Variants in RICTOR observed in about 807,000 individuals in gnomAD.
The protein encoded by RICTOR is rapamycin-insensitive companion of mTOR.
In RICTOR, 49 loss-of-function variants were observed where a neutral mutation model predicts 214.9. The observed-to-expected ratio is 0.23, with a 90% CI of 0.18 to 0.29. The LOEUF (loss-of-function observed/expected upper bound fraction) is 0.29, where lower values mean the gene tolerates loss of function less well. RICTOR is among the 10% of genes least tolerant of loss of function. The pLI is 1.00. For missense variants in RICTOR, 1,625 were observed against 2,047.0 expected, an observed-to-expected ratio of 0.79 and a Z score of 3.98; for synonymous variants, 717 against 711.3, an observed-to-expected ratio of 1.01 and a Z score of -0.13.
rs2112851650 is a variant in RICTOR, at chr5:38,950,127, C to T, written c.3721G>A (p.Val1241Ile). The T allele has an allele frequency of 3.7e-6, 6 of 1,613,430 alleles. No homozygotes were observed. Among genetic ancestry groups the T allele is most frequent in the Non-Finnish European group, 5.1e-6 (6 of 1,179,622 alleles). The stretch of plus-strand genomic sequence containing the variant: ...TCCATAGTTGTAGCATCTACACCTA[C>T]TGTCTCTCGTGAAGGACTTGAGCTC... ...SMSSSPSRET[V>I]GVDATTMDTD... The change falls in exon 31 of 38, where the codon GTA becomes ATA. Residue 1241 changes from valine to isoleucine, a missense_variant. Val to Ile is a conservative substitution (Grantham distance 29). Around this residue, in one of 5 missense-constraint regions of RICTOR, gnomAD observed 1,214 missense variants for 1,470.5 expected, o/e 0.83. Coordinates refer to ENST00000357387, the MANE Select transcript of RICTOR (RefSeq NM_152756.5).
At chr5:39,002,414 A>C in intron 5 of RICTOR, 121 bp downstream of exon 5, 1 of 348,164 alleles carries the variant, frequency 2.9e-6, no homozygotes, top group South Asian at 3.8e-5. Context: ...ATATATATAT[A>C]TACACACACA....
At chr5:38,979,554 C>A (rs907092278) in intron 8 of RICTOR, among the ~76,000 whole-genome samples, 5 of 152,064 alleles carry the variant, frequency 3.3e-5, no homozygotes, top group African/African-American at 9.7e-5. Context: ...AACAACAAAT[C>A]ATATTTATTA....
chr5:39,073,882 C>A (rs978924353), intron 2 of RICTOR, among the ~76,000 whole-genome samples: 2 of 152,200 alleles, frequency 1.3e-5, no homozygotes, highest in Admixed American at 1.3e-4. Flanking sequence ...CGCAGCAGCC[C>A]GAGGCCCGGA....
At chr5:38,960,624 G>T in intron 19 of RICTOR, 91 bp from the exon 20 acceptor site, 1 of 1,337,478 alleles carries the variant, frequency 7.5e-7, no homozygotes, top group Non-Finnish European at 1.1e-6. Flanking sequence ...AAGGCTTTCA[G>T]AATATGTTTT....
chr5:38,962,838 T>A (rs377656600), intron 17 of RICTOR, 38 bp downstream of exon 17: 4 of 1,537,888 alleles, frequency 2.6e-6, no homozygotes, highest in Non-Finnish European at 3.6e-6. Flanking sequence ...AATTAAGATG[T>A]TGTGTTTAAG....
At chr5:38,945,851 A>G in intron 33 of RICTOR, 127 bp from the exon 34 acceptor site, 2 of 538,848 alleles carry the variant, frequency 3.7e-6, no homozygotes, top group South Asian at 3.0e-5. Flanking sequence ...GGAAAGAAAA[A>G]AAGAATAATT....
chr5:38,947,502 A>C, intron 31 of RICTOR, 61 bp from the exon 32 acceptor site: 1 of 1,199,050 alleles, frequency 8.3e-7, no homozygotes, highest in Non-Finnish European at 1.2e-6. Flanking sequence ...TAATCATATG[A>C]AGAAATAACA....
intron 2 of RICTOR, among the ~76,000 whole-genome samples, chr5:39,050,938 CAA>C (rs576721442): frequency 1.3e-5 from 2 of 151,878 alleles, no homozygotes; most frequent in Non-Finnish European, 2.9e-5. Context: ...CTGATAATCC[CAA>C]GTGTTGACAA....
intron 37 of RICTOR, 123 bp downstream of exon 37, chr5:38,942,710 C>A: frequency 5.3e-6 from 4 of 755,158 alleles, no homozygotes; most frequent in African/African-American, 1.7e-5. Flanking sequence ...CCCGCGCTGA[C>A]CCCACAAAGT....
At chr5:38,978,681 C>A in intron 8 of RICTOR, 31 bp from the exon 9 acceptor site, 1 of 1,132,226 alleles carries the variant, frequency 8.8e-7, no homozygotes, top group Non-Finnish European at 1.3e-6. Context: ...AGAAAAGAGT[C>A]TTTATTTTAA....
At chr5:39,044,010 G>C (rs552159207) in intron 2 of RICTOR, among the ~76,000 whole-genome samples, 1 of 152,058 alleles carries the variant, frequency 6.6e-6, no homozygotes, top group Non-Finnish European at 1.5e-5. Flanking sequence ...TTTTATAAGC[G>C]ACAGAAAACT....
At chr5:38,956,449 C>T (rs940301059) in intron 25 of RICTOR, among the ~76,000 whole-genome samples, 1 of 152,072 alleles carries the variant, frequency 6.6e-6, no homozygotes, top group Admixed American at 6.6e-5. Flanking sequence ...ACCTTAGTTC[C>T]AACTACATTG....
chr5:38,958,748 C>G lies in RICTOR; in HGVS notation c.2262G>C (p.Leu754Phe). Reference protein sequence around the residue: ...VEFFNNWGIELLVTQLHDKNK... With the variant: ...VEFFNNWGIEFLVTQLHDKNK... Reference sequence around the variant, plus strand: ...TTTTATCATGTAGCTGGGTCACTAACAACTCAATTCCCCAATTATTAAAGA... The same window carrying G: ...TTTTATCATGTAGCTGGGTCACTAAGAACTCAATTCCCCAATTATTAAAGA... The change falls in exon 23 of 38, where the codon TTG becomes TTC. Residue 754 changes from leucine (L) to phenylalanine (F), a missense_variant. Coordinates refer to ENST00000357387, the MANE Select transcript of RICTOR (RefSeq NM_152756.5). 1 of 1,610,746 alleles carries G rather than the reference C, an allele frequency of 6.2e-7. No individual in the cohort carries two copies. The highest frequency in any genetic ancestry group is 8.5e-7 in the Non-Finnish European group (1 of 1,177,956).
rs749822131 is a variant in RICTOR, at chr5:38,955,550, T to A, written c.2609+45A>T. 3.0e-6 allele frequency: 3 copies of A among 1,012,462 alleles called. No homozygotes were observed. The African/African-American group carries it at 4.8e-5, about 16-fold the overall frequency. 62.7% of individuals were successfully genotyped at this position (1,012,462 alleles called of 1,614,324 possible). On this transcript the variant is annotated intron_variant, in intron 26 of 37. Transcript: ENST00000357387. ...TACAAAAACTCAGAAATGTTAAAAA[T>A]AATTTATGATGAACTAGTTTTAAAT...
intron 9 of RICTOR, among the ~76,000 whole-genome samples, chr5:38,976,218 A>T (rs1027758451): frequency 1.3e-5 from 2 of 152,158 alleles, no homozygotes. Context: ...GCTTATGGCC[A>T]GTTTCAATAC....
At chr5:39,034,519 T>C (rs1254945552) in intron 2 of RICTOR, among the ~76,000 whole-genome samples, 1 of 152,194 alleles carries the variant, frequency 6.6e-6, no homozygotes, top group Non-Finnish European at 1.5e-5. Context: ...GGGCGAGGCA[T>C]CTCCTCACCC....
rs1750801557 is a variant in RICTOR, at chr5:38,971,661, A to C, written c.972+216T>G. Reference sequence around the variant, plus strand: ...CTCCCAAAGTTCTGGGATTACACGCATGAGCCACCGTGCCCAGACAACAGC... The same window carrying C: ...CTCCCAAAGTTCTGGGATTACACGCCTGAGCCACCGTGCCCAGACAACAGC... On this transcript the variant is annotated intron_variant, in intron 11 of 37. Coordinates refer to ENST00000357387, the MANE Select transcript of RICTOR (RefSeq NM_152756.5). 15 of 345,668 alleles carry C rather than the reference A, an allele frequency of 4.3e-5. No individual in the cohort carries two copies. In the South Asian group the frequency reaches 6.2e-4, roughly 14 times the overall value. 21.4% of individuals were successfully genotyped at this position (345,668 alleles called of 1,614,324 possible).
chr5:39,028,089 A>C (rs1755975123), intron 2 of RICTOR, among the ~76,000 whole-genome samples: 1 of 152,016 alleles, frequency 6.6e-6, no homozygotes, highest in African/African-American at 2.4e-5. Context: ...AAACCACAGA[A>C]GTACCATTAC....
chr5:39,024,070 G>T (rs1755631082), intron 2 of RICTOR, among the ~76,000 whole-genome samples: 1 of 152,176 alleles, frequency 6.6e-6, no homozygotes, highest in Admixed American at 6.5e-5. Context: ...TCAGGCATTA[G>T]ATTCTCATAA....
Sources: allele counts gnomAD v4.1 joint callset (sites outside exome capture counted in the v4.1 genomes callset), GRCh38; gene constraint gnomAD v4.1.1; regional missense constraint gnomAD v4.1.1; transcripts MANE v1.5; gene names NCBI Gene and HGNC (gene_info 2026-07-23, HGNC 2026-07-21).